RFX3: variants seen among roughly 807,000 people sequenced by gnomAD.
RFX3 encodes the protein transcription factor RFX3.
In RFX3, 14 loss-of-function variants were observed where a neutral mutation model predicts 98.6. The ratio of observed to expected loss-of-function variants is 0.14; its 90% confidence interval spans 0.09 to 0.22. RFX3 has a LOEUF of 0.22. Among genes scored for constraint, RFX3 ranks in the 10% least tolerant of loss-of-function variants. RFX3 has a pLI of 1.00. For synonymous variants in RFX3, 383 were observed against 328.4 expected, an observed-to-expected ratio of 1.17 and a Z score of -1.80; for missense variants, 639 against 926.9, an observed-to-expected ratio of 0.69 and a Z score of 4.03.
At position 3,525,798 on chromosome 9, in the gene RFX3, G is replaced by C; in HGVS notation, c.-60C>G. The stretch of plus-strand genomic sequence containing the variant: ...TTGGTGGGTGATGGAGATGGTGGTG[G>C]TGGGGAGGAGGAGGAGGAAGAGGAG... On this transcript the variant is annotated 5_prime_UTR_variant, in exon 1 of 17. Coordinates refer to ENST00000617270, the MANE Select transcript of RFX3 (RefSeq NM_001282116.2). The C allele has an allele frequency of 1.6e-6, 1 of 633,476 alleles. No homozygotes were observed. Among genetic ancestry groups the C allele is most frequent in the South Asian group, 6.9e-5 (1 of 14,534 alleles). 39.2% of individuals were successfully genotyped at this position (633,476 alleles called of 1,614,324 possible).
At chr9:3,284,859 C>T (rs1310073670) in intron 7 of RFX3, among the ~76,000 whole-genome samples, 11 of 151,660 alleles carry the variant, frequency 7.3e-5, no homozygotes, top group South Asian at 2.1e-4. Context: ...ATCTGCTTTC[C>T]AATCAGAAGC....
chr9:3,383,132 T>C (rs1839364577), intron 2 of RFX3, among the ~76,000 whole-genome samples: 1 of 152,150 alleles, frequency 6.6e-6, no homozygotes, highest in South Asian at 2.1e-4. Flanking sequence ...GATGCTAATA[T>C]TTTACTACAT....
At chr9:3,367,825 T>A (rs1197568828) in intron 2 of RFX3, among the ~76,000 whole-genome samples, 2 of 152,214 alleles carry the variant, frequency 1.3e-5, no homozygotes, top group East Asian at 3.8e-4. Flanking sequence ...ATAGTTAAGT[T>A]ACAAGCAAAT....
In RFX3 at chr9:3,461,466, CATCT is replaced by C. The variant is rs561650872; in HGVS notation, c.-9+64277_-9+64280del. 2.3e-3 allele frequency among the ~76,000 whole-genome samples: 353 copies of C among 152,114 alleles called. 1 individual carries two copies. Among genetic ancestry groups the C allele is most frequent in the Non-Finnish European group, 3.8e-3 (261 of 67,860 alleles). ...AATCAGTGACTAAGCAATCTAAATA[CATCT>C]ATCAGTTTTCTCATCTAAATGGGAT... is the stretch of plus-strand genomic sequence containing the variant. On this transcript the variant is annotated intron_variant, in intron 1 of 16. Coordinates refer to ENST00000617270, the MANE Select transcript of RFX3 (RefSeq NM_001282116.2).
At chr9:3,387,964 T>A (rs1839902955) in intron 2 of RFX3, among the ~76,000 whole-genome samples, 1 of 152,096 alleles carries the variant, frequency 6.6e-6, no homozygotes, top group Non-Finnish European at 1.5e-5. Context: ...ACTAACAAAT[T>A]CATTTAAGAT....
chr9:3,356,657 T>G (rs1224525572), intron 2 of RFX3, among the ~76,000 whole-genome samples: 1 of 151,808 alleles, frequency 6.6e-6, no homozygotes, highest in Non-Finnish European at 1.5e-5. Context: ...AGACCCAAAC[T>G]AGAAAAGACA....
At chr9:3,321,213 T>A (rs1196838944) in intron 4 of RFX3, among the ~76,000 whole-genome samples, 1 of 152,112 alleles carries the variant, frequency 6.6e-6, no homozygotes, top group Non-Finnish European at 1.5e-5. Context: ...CCCAATCTTT[T>A]TCTATTACAA....
At chr9:3,228,280 G>C (rs1818028716) in intron 16 of RFX3, among the ~76,000 whole-genome samples, 1 of 152,030 alleles carries the variant, frequency 6.6e-6, no homozygotes, top group South Asian at 2.1e-4. Context: ...TGATCTTGAG[G>C]TTCTTCAGAA....
chr9:3,424,146 C>T (rs1286081311), intron 1 of RFX3, among the ~76,000 whole-genome samples: 2 of 141,914 alleles, frequency 1.4e-5, no homozygotes, highest in Non-Finnish European at 3.1e-5. Flanking sequence ...GACTCCTTCT[C>T]AAAAAAAAAA....
chr9:3,434,919 C>A (rs1337763641), intron 1 of RFX3, among the ~76,000 whole-genome samples: 4 of 151,934 alleles, frequency 2.6e-5, no homozygotes, highest in Non-Finnish European at 5.9e-5. Flanking sequence ...TAGCCTATTG[C>A]TCCTAGGCTA....
Position 3,221,011 on chromosome 9 carries a change from C to G in RFX3, c.*4031G>C, listed in dbSNP as rs1356201006. 6.6e-6 allele frequency: 1 copy of G among 152,150 alleles called. No homozygotes were observed. Among genetic ancestry groups the G allele is most frequent in the African/African-American group, 2.4e-5 (1 of 41,430 alleles). 9.4% of individuals were successfully genotyped at this position (152,150 alleles called of 1,614,324 possible). A position where few individuals can be genotyped will look rare whatever the true frequency, so the allele number is the denominator to read the frequency against. On this transcript the variant is annotated 3_prime_UTR_variant, in exon 17 of 17. Coordinates refer to ENST00000617270, the MANE Select transcript of RFX3 (RefSeq NM_001282116.2). ...TCATACAGATCACAAAAGTTCTCATCTCAATTTCTGGATGGTTGTTCTTTT... is the reference window on the plus strand; with the variant it reads ...TCATACAGATCACAAAAGTTCTCATGTCAATTTCTGGATGGTTGTTCTTTT...
intron 1 of RFX3, among the ~76,000 whole-genome samples, chr9:3,451,948 T>G (rs1003409550): frequency 3.3e-5 from 5 of 152,136 alleles, no homozygotes; most frequent in African/African-American, 1.2e-4. Flanking sequence ...ATTGTACAAT[T>G]CTTCGTTACA....
At chr9:3,301,147 A>G (rs565656366) in intron 5 of RFX3, among the ~76,000 whole-genome samples, 1 of 151,998 alleles carries the variant, frequency 6.6e-6, no homozygotes, top group East Asian at 1.9e-4. Context: ...TTTTCTACTT[A>G]AAGAACATTA....
At chr9:3,505,195 T>TATATTTATATATATATGA (rs1816822350) in intron 1 of RFX3, among the ~76,000 whole-genome samples, 1 of 96,222 alleles carries the variant, frequency 1.0e-5, no homozygotes, top group African/African-American at 4.5e-5. Flanking sequence ...TATATGAATA[T>TATATTTATATATATATGA]ATATTTATAT....
At chr9:3,360,004 A>G (rs1428035972) in intron 2 of RFX3, among the ~76,000 whole-genome samples, 1 of 152,148 alleles carries the variant, frequency 6.6e-6, no homozygotes, top group African/African-American at 2.4e-5. Flanking sequence ...TGCAGGAACT[A>G]TTCAGGTTAG....
At chr9:3,453,366 C>G (rs917613228) in intron 1 of RFX3, among the ~76,000 whole-genome samples, 2 of 151,646 alleles carry the variant, frequency 1.3e-5, no homozygotes, top group African/African-American at 4.8e-5. Flanking sequence ...TAGAAATGCC[C>G]CAAATCCTAA....
At chr9:3,227,857 G>A (rs762065476) in intron 16 of RFX3, among the ~76,000 whole-genome samples, 40 of 152,082 alleles carry the variant, frequency 2.6e-4, no homozygotes, top group Non-Finnish European at 4.4e-4. Flanking sequence ...TGCGCTGCTA[G>A]TGTACTGAGT....
At position 3,257,184 on chromosome 9, in the gene RFX3, C is replaced by G; in HGVS notation, c.1621G>C (p.Val541Leu). ...FANVQEQASWVCQCDDNMVQR... is the reference protein window; with the variant it reads ...FANVQEQASWLCQCDDNMVQR... Reference sequence around the variant, plus strand: ...ACCATGTTGTCATCACACTGGCACACCCAGGAAGCCTGCTCCTGAGACAGT... The same window carrying G: ...ACCATGTTGTCATCACACTGGCACAGCCAGGAAGCCTGCTCCTGAGACAGT... The change falls in exon 14 of 17, where the codon GTG becomes CTG. Residue 541 changes from valine (V) to leucine (L), a missense_variant. Physicochemically the swap from Val to Leu is conservative, Grantham distance 32 (BLOSUM62 1). Coordinates refer to ENST00000617270, the MANE Select transcript of RFX3 (RefSeq NM_001282116.2). The G allele has an allele frequency of 6.2e-7, 1 of 1,613,878 alleles. No homozygotes were observed. The highest frequency in any genetic ancestry group is 8.5e-7 in the Non-Finnish European group (1 of 1,179,952).
intron 1 of RFX3, among the ~76,000 whole-genome samples, chr9:3,468,358 C>A (rs1326757200): frequency 6.6e-6 from 1 of 152,092 alleles, no homozygotes. Flanking sequence ...TCACCCAGAG[C>A]CAAAAACACA....
Sources: gnomAD v4.1 joint callset for allele counts (sites outside exome capture counted in the v4.1 genomes callset) on GRCh38, gnomAD v4.1.1 for gene constraint, MANE v1.5 for transcripts, NCBI Gene and HGNC (gene_info 2026-07-23, HGNC 2026-07-21) for gene names.